The following DOCK10 variants were observed in gnomAD, a reference collection of about 807,000 sequenced individuals.
The protein encoded by DOCK10 is dedicator of cytokinesis protein 10.
A neutral mutation model predicts 280.1 loss-of-function variants in DOCK10; 145 were observed. That is an observed-to-expected ratio of 0.52 (90% CI 0.45 to 0.59). DOCK10 has a LOEUF of 0.59. Among genes scored for constraint, DOCK10 ranks in the 20% least tolerant of loss-of-function variants. DOCK10 has a pLI of 0.00. For synonymous variants in DOCK10, 915 were observed against 942.2 expected (o/e 0.97, Z 0.53); for missense variants, 2,368 against 2,651.7 (o/e 0.89, Z 2.35).
intron 3 of DOCK10, among the ~76,000 whole-genome samples, chr2:224,901,908 TAA>T (rs1700320630): frequency 6.6e-6 from 1 of 152,208 alleles, no homozygotes; most frequent in Non-Finnish European, 1.5e-5. Context: ...CACAGCCTTT[TAA>T]AAGGACATAT....
intron 2 of DOCK10, among the ~76,000 whole-genome samples, chr2:224,930,111 G>C (rs1028944887): frequency 1.3e-5 from 2 of 149,978 alleles, no homozygotes; most frequent in African/African-American, 4.9e-5. Context: ...TGAGGCAGGA[G>C]AATCACCTGA....
intron 27 of DOCK10, among the ~76,000 whole-genome samples, chr2:224,828,739 T>C (rs1042325534): frequency 2.0e-5 from 3 of 152,090 alleles, no homozygotes; most frequent in African/African-American, 7.2e-5. Flanking sequence ...GTGAGTATCA[T>C]GACAAATGAC....
intron 1 of DOCK10, among the ~76,000 whole-genome samples, chr2:225,035,051 C>T (rs1028289450): frequency 6.6e-6 from 1 of 152,176 alleles, no homozygotes; most frequent in African/African-American, 2.4e-5. Flanking sequence ...ATCACCTAAT[C>T]CCCTAATTTC....
chr2:224,990,391 C>T (rs1206726873), intron 1 of DOCK10, among the ~76,000 whole-genome samples: 2 of 152,150 alleles, frequency 1.3e-5, no homozygotes, highest in African/African-American at 4.8e-5. Context: ...TTGTGACTTT[C>T]AGCAAAAATT....
intron 15 of DOCK10, among the ~76,000 whole-genome samples, chr2:224,855,473 T>C (rs1334124053): frequency 6.6e-6 from 1 of 152,188 alleles, no homozygotes; most frequent in Non-Finnish European, 1.5e-5. Context: ...AATCGCTAAG[T>C]GGATGGTCCA....
intron 1 of DOCK10, among the ~76,000 whole-genome samples, chr2:225,001,901 A>G (rs77481414): frequency 0.14 from 20,882 of 152,220 alleles, 2,675 homozygotes; most frequent in African/African-American, 0.34. Context: ...CTCTGCCCTC[A>G]TGACCTAACC....
At chr2:224,879,006 T>G (rs964970401) in intron 7 of DOCK10, among the ~76,000 whole-genome samples, 5 of 152,214 alleles carry the variant, frequency 3.3e-5, no homozygotes, top group African/African-American at 9.6e-5. Flanking sequence ...CAGACAAATG[T>G]GAAATCAGAA....
intron 1 of DOCK10, among the ~76,000 whole-genome samples, chr2:225,006,894 G>C (rs887031431): frequency 6.6e-6 from 1 of 152,202 alleles, no homozygotes; most frequent in South Asian, 2.1e-4. Flanking sequence ...CTGAGGACTT[G>C]AACTTCAAGC....
At chr2:224,819,631 T>G in intron 28 of DOCK10, 102 bp from the exon 29 acceptor site, 3 of 727,846 alleles carry the variant, frequency 4.1e-6, no homozygotes, top group Non-Finnish European at 4.3e-6. Flanking sequence ...AACACTAAAC[T>G]AAATGTGTTG....
rs1238988569 is a variant in DOCK10, at chr2:225,042,104, C to T, written c.123+148G>A. The T allele has an allele frequency of 4.2e-5, 43 of 1,022,748 alleles. No individual in the cohort carries two copies. Among genetic ancestry groups the T allele is most frequent in the Non-Finnish European group, 5.2e-5 (42 of 804,482 alleles). The allele number at this position is 1,022,748 out of a possible 1,614,324, so 63.4% of individuals were successfully genotyped here. A position where few individuals can be genotyped will look rare whatever the true frequency, so the allele number is the denominator to read the frequency against. Reference sequence around the variant, plus strand: ...CCTCGCTGAGGTGGCGCCGGGGGAGCCCGCAGAGGCGGCGGGGGAGGGAGT... The same window carrying T: ...CCTCGCTGAGGTGGCGCCGGGGGAGTCCGCAGAGGCGGCGGGGGAGGGAGT... On this transcript the variant is annotated intron_variant, in intron 1 of 55. Transcript: ENST00000258390. The surrounding 1 kb of genome is among the most constrained non-coding windows in gnomAD (Gnocchi z 5.1).
rs6724332 is a variant in DOCK10 at position 224,837,848 on chromosome 2, G to A, written c.2781-17C>T. 382,289 of 1,609,800 alleles carry A rather than the reference G, an allele frequency of 0.24. 50,068 individuals carry two copies. The highest frequency in any genetic ancestry group is 0.49 in the African/African-American group (36,886 of 74,872). ...GTCAGAACCCTGCAAAAGCAAAGCT[G>A]TTCAGTGGCCTTTCTGGAGAGGGCA... On this transcript the variant is annotated splice_polypyrimidine_tract_variant and intron_variant, in intron 24 of 55. Coordinates refer to ENST00000258390, the MANE Select transcript of DOCK10 (RefSeq NM_014689.3).
intron 43 of DOCK10, 131 bp downstream of exon 43, chr2:224,796,833 G>C (rs1251815607): frequency 1.0e-5 from 8 of 773,426 alleles, no homozygotes; most frequent in Non-Finnish European, 1.7e-5. Flanking sequence ...ACTGAATGCT[G>C]TGGGCGTCTT....
In DOCK10 at chr2:224,849,522, C is replaced by CG. The variant is rs1696588081; in HGVS notation, c.2219dup (p.Asp741GlyfsTer5). ...TAGCTCTTACCTCATCTGAGAAATCCGGATTCTGAGAGTGGTGCAGAACTG... is the reference window on the plus strand; with the variant it reads ...TAGCTCTTACCTCATCTGAGAAATCCGGGATTCTGAGAGTGGTGCAGAACTG... On this transcript the variant is annotated frameshift_variant, in exon 19 of 56. Transcript: ENST00000258390. LOFTEE classifies it high-confidence loss of function. 1 of 1,611,260 alleles carries CG rather than the reference C, an allele frequency of 6.2e-7. No individual in the cohort carries two copies. The highest frequency in any genetic ancestry group is 1.7e-5 in the Admixed American group (1 of 59,718).
chr2:224,783,404 A>G (rs1295852192), intron 50 of DOCK10, among the ~76,000 whole-genome samples: 2 of 151,692 alleles, frequency 1.3e-5, no homozygotes, highest in Non-Finnish European at 1.5e-5. Flanking sequence ...CCTCCCGAGT[A>G]GCTGGGATTA....
chr2:225,027,121 T>C (rs1689940775), intron 1 of DOCK10, among the ~76,000 whole-genome samples: 1 of 152,174 alleles, frequency 6.6e-6, no homozygotes, highest in Non-Finnish European at 1.5e-5. Context: ...CAGAGCCTTG[T>C]AGGTCTGAGA....
At position 224,874,681 on chromosome 2, in the gene DOCK10, G is replaced by C; in HGVS notation, c.1002C>G (p.His334Gln). 6.2e-7 allele frequency: 1 copy of C among 1,613,826 alleles called. No homozygotes were observed. The change falls in exon 9 of 56, where the codon CAC (histidine) becomes CAG (glutamine). Residue 334 changes from histidine (H) to glutamine (Q), a missense_variant. His to Gln is a conservative substitution (Grantham distance 24). Around this residue, in one of 2 missense-constraint regions of DOCK10, gnomAD observed 1,209 missense variants for 1,250.9 expected, o/e 0.97. Coordinates refer to ENST00000258390, the MANE Select transcript of DOCK10 (RefSeq NM_014689.3). ...EETDSSENNL[H>Q]ADFAKYLTET... ...ACTTTATTACCTTTGCAAAGTCTGC[G>C]TGTAGGTTGTTCTCTGAAGAATCTG...
At chr2:224,960,730 CTTTTTTTTTT>C (rs71281764) in intron 1 of DOCK10, among the ~76,000 whole-genome samples, 114 of 70,258 alleles carry the variant, frequency 1.6e-3, no homozygotes, top group African/African-American at 5.9e-3. Context: ...TCACCAAATT[CTTTTTTTTTT>C]TTTTTTTTTT....
intron 1 of DOCK10, among the ~76,000 whole-genome samples, chr2:224,976,363 G>T (rs1219775641): frequency 2.0e-5 from 3 of 152,104 alleles, no homozygotes; most frequent in African/African-American, 7.2e-5. Flanking sequence ...TAACAAACCT[G>T]CACGTTCTGC....
intron 3 of DOCK10, among the ~76,000 whole-genome samples, chr2:224,912,143 ATT>A (rs201806896): frequency 0.53 from 78,017 of 146,472 alleles, 22,012 homozygotes; most frequent in Non-Finnish European, 0.63. Flanking sequence ...TTAAAAATAC[ATT>A]TTTTTTTTTT....
Sources: gnomAD v4.1 joint callset for allele counts (sites outside exome capture counted in the v4.1 genomes callset) on GRCh38, gnomAD v4.1.1 for gene constraint, gnomAD v4.1.1 regional missense constraint, Gnocchi (gnomAD v3.1) non-coding constraint, MANE v1.5 for transcripts, NCBI Gene and HGNC (gene_info 2026-07-23, HGNC 2026-07-21) for gene names.